KAZN: variants seen among roughly 807,000 people sequenced by gnomAD.
KAZN encodes the protein kazrin.
Under a neutral mutation model 87.4 loss-of-function variants are expected in KAZN, and 40 were observed. The ratio of observed to expected loss-of-function variants is 0.46; its 90% confidence interval spans 0.36 to 0.60. KAZN has a LOEUF of 0.60. KAZN is among the 20% of genes least tolerant of loss of function. The probability of loss-of-function intolerance (pLI) is 0.00; values close to 1 mark genes in which losing one functional copy is unlikely to be tolerated. For missense variants in KAZN, 898 were observed against 1,073.9 expected, an observed-to-expected ratio of 0.84 and a Z score of 2.29; for synonymous variants, 466 against 458.3, an observed-to-expected ratio of 1.02 and a Z score of -0.22.
chr1:14,334,325 A>G (rs980951730), intron 2 of KAZN, among the ~76,000 whole-genome samples: 24 of 126,054 alleles, frequency 1.9e-4, no homozygotes, highest in African/African-American at 6.9e-4. Flanking sequence ...AGATTGCACC[A>G]CTGCACTCCA....
chr1:14,494,286 G>A (rs1669828080), intron 2 of KAZN, among the ~76,000 whole-genome samples: 2 of 152,170 alleles, frequency 1.3e-5, no homozygotes, highest in African/African-American at 2.4e-5. Context: ...TAAGATGTGG[G>A]CAGGGTTATA....
At chr1:14,779,074 TA>T (rs1645259199) in intron 1 of KAZN, among the ~76,000 whole-genome samples, 1 of 152,160 alleles carries the variant, frequency 6.6e-6, no homozygotes, top group Admixed American at 6.5e-5. Context: ...GCAGACCTTT[TA>T]AGGCTCAGCC....
At chr1:14,418,968 C>G (rs12131551) in intron 2 of KAZN, among the ~76,000 whole-genome samples, 12,112 of 152,278 alleles carry the variant, frequency 0.08, 626 homozygotes, top group South Asian at 0.11. Flanking sequence ...CCTGTGAACT[C>G]TTGTCTGAAA....
chr1:14,195,808 G>A (rs1039447454), intron 2 of KAZN, among the ~76,000 whole-genome samples: 2 of 152,124 alleles, frequency 1.3e-5, no homozygotes, highest in Non-Finnish European at 2.9e-5. Context: ...TAAGGCACTA[G>A]GAAATCGAAA....
At chr1:14,299,312 G>C (rs1654359221) in intron 2 of KAZN, among the ~76,000 whole-genome samples, 2 of 152,084 alleles carry the variant, frequency 1.3e-5, no homozygotes, top group Non-Finnish European at 2.9e-5. Context: ...AGACCAACTT[G>C]GCCAACATAC....
At chr1:14,904,993 C>T (rs1377352418) in intron 1 of KAZN, among the ~76,000 whole-genome samples, 1 of 152,128 alleles carries the variant, frequency 6.6e-6, no homozygotes, top group Non-Finnish European at 1.5e-5. Context: ...AATCTCCTGA[C>T]CTCGTGATCC....
rs1284203381 is a variant in KAZN, at chr1:15,077,285, C to T, written c.1222+11532C>T. ...GTGGACACCTCGTGCTCTGACAGTC[C>T]CTGGTCTTCCCCTGCGTGTGGAGTC... On this transcript the variant is annotated intron_variant, in intron 8 of 14. Transcript: ENST00000376030. This position sits in a 1 kb window ranked among gnomAD's most constrained non-coding sequence, Gnocchi z 4.8. Among the ~76,000 whole-genome samples, 1 of 152,124 alleles carries T rather than the reference C, an allele frequency of 6.6e-6. No homozygotes were observed. Among genetic ancestry groups the T allele is most frequent in the African/African-American group, 2.4e-5 (1 of 41,420 alleles).
intron 2 of KAZN, among the ~76,000 whole-genome samples, chr1:14,557,672 TGAGAGAGAGA>T (rs57818821): frequency 3.7e-5 from 5 of 136,876 alleles, no homozygotes; most frequent in African/African-American, 1.3e-4. Context: ...GTGTGGTGTG[TGAGAGAGAGA>T]GAGAGAGAGA....
intron 4 of KAZN, among the ~76,000 whole-genome samples, chr1:15,045,236 C>T (rs1040092171): frequency 1.6e-4 from 24 of 152,262 alleles, no homozygotes; most frequent in Admixed American, 3.9e-4. Context: ...AGGGGGAGGA[C>T]GTAAGTCTTA....
At chr1:13,954,099 C>T (rs1398863047) in intron 1 of KAZN, among the ~76,000 whole-genome samples, 1 of 152,106 alleles carries the variant, frequency 6.6e-6, no homozygotes, top group Non-Finnish European at 1.5e-5. Flanking sequence ...ACACGAACAA[C>T]AAAAACTGCA....
At chr1:14,420,848 G>A (rs1228215671) in intron 2 of KAZN, among the ~76,000 whole-genome samples, 1 of 145,254 alleles carries the variant, frequency 6.9e-6, no homozygotes. Flanking sequence ...TGGCCTGGGA[G>A]CGCTGCGCAC....
chr1:14,515,210 T>A (rs12041172), intron 2 of KAZN, among the ~76,000 whole-genome samples: 23,215 of 152,186 alleles, frequency 0.15, 2,888 homozygotes, highest in African/African-American at 0.34. Flanking sequence ...CTCTCCTACA[T>A]GATCTTGCTT....
At chr1:14,035,795 G>T (rs956950712) in intron 1 of KAZN, among the ~76,000 whole-genome samples, 2 of 151,814 alleles carry the variant, frequency 1.3e-5, no homozygotes, top group African/African-American at 4.8e-5. Context: ...TTCCTGTAGG[G>T]GTTTTTGGAT....
At chr1:14,252,924 T>A (rs376515094) in intron 2 of KAZN, among the ~76,000 whole-genome samples, 2 of 152,048 alleles carry the variant, frequency 1.3e-5, no homozygotes, top group Non-Finnish European at 2.9e-5. Flanking sequence ...GGGTGTACCA[T>A]CAAACTGTTT....
intron 1 of KAZN, among the ~76,000 whole-genome samples, chr1:14,018,895 C>A (rs971959471): frequency 6.6e-6 from 1 of 152,136 alleles, no homozygotes; most frequent in Non-Finnish European, 1.5e-5. Flanking sequence ...GCCATGCTAC[C>A]AGCATCCCAC....
At chr1:13,978,338 C>A (rs1638478930) in intron 1 of KAZN, among the ~76,000 whole-genome samples, 1 of 151,750 alleles carries the variant, frequency 6.6e-6, no homozygotes, top group Admixed American at 6.6e-5. Flanking sequence ...GAAATAGGAC[C>A]TGAAAATCAC....
intron 2 of KAZN, among the ~76,000 whole-genome samples, chr1:14,315,979 C>T (rs148814415): frequency 2.6e-5 from 4 of 152,036 alleles, no homozygotes; most frequent in Non-Finnish European, 4.4e-5. Context: ...TGCCCAACTT[C>T]TGCCCAGGTA....
intron 1 of KAZN, among the ~76,000 whole-genome samples, chr1:14,776,471 C>T (rs1198882136): frequency 6.6e-6 from 1 of 152,212 alleles, no homozygotes; most frequent in Non-Finnish European, 1.5e-5. Flanking sequence ...ACTAAGCGCT[C>T]TTCATCCAGG....
intron 8 of KAZN, among the ~76,000 whole-genome samples, chr1:15,088,722 C>T (rs908769361): frequency 6.6e-6 from 1 of 152,072 alleles, no homozygotes; most frequent in African/African-American, 2.4e-5. Flanking sequence ...CCCCTAGACT[C>T]CTCCCAAGCC....
Sources: gnomAD v4.1 joint callset for allele counts (sites outside exome capture counted in the v4.1 genomes callset) on GRCh38, gnomAD v4.1.1 for gene constraint, Gnocchi (gnomAD v3.1) non-coding constraint, MANE v1.5 for transcripts, NCBI Gene and HGNC (gene_info 2026-07-23, HGNC 2026-07-21) for gene names.